The following TWIST2 variants were observed in gnomAD, a reference collection of about 807,000 sequenced individuals.
TWIST2 encodes the protein twist-related protein 2.
TWIST2 carries 1 observed loss-of-function variant against 11.6 expected under a neutral mutation model. The ratio of observed to expected loss-of-function variants is 0.09; its 90% CI spans 0.03 to 0.41. The LOEUF is 0.41. Among genes scored for constraint, TWIST2 ranks in the 10% least tolerant of loss-of-function variants. The probability of loss-of-function intolerance (pLI) is 0.98; values close to 1 mark genes in which losing one functional copy is unlikely to be tolerated. For missense variants in TWIST2, 168 were observed against 226.4 expected, an observed-to-expected ratio of 0.74 and a Z score of 1.66; for synonymous variants, 87 against 96.6, an observed-to-expected ratio of 0.90 and a Z score of 0.58.
At chr2:238,872,812 G>A (rs980582083) in intron 1 of TWIST2, among the ~76,000 whole-genome samples, 1 of 152,140 alleles carries the variant, frequency 6.6e-6, no homozygotes, top group Non-Finnish European at 1.5e-5. Context: ...ACGGGCATAC[G>A]GCCCAGAGGC....
At chr2:238,905,779 T>C (rs1693331878) in intron 1 of TWIST2, among the ~76,000 whole-genome samples, 1 of 152,208 alleles carries the variant, frequency 6.6e-6, no homozygotes. Context: ...AGCCTTTGAC[T>C]TTCTGCCCAG....
chr2:238,868,396 C>CA (rs745995807), intron 1 of TWIST2, among the ~76,000 whole-genome samples: 2 of 152,146 alleles, frequency 1.3e-5, no homozygotes, highest in African/African-American at 2.4e-5. Context: ...TTTGGAAGAA[C>CA]AAAAAACAAA....
chr2:238,866,441 G>A lies in TWIST2; in HGVS notation c.*35+17708G>A, dbSNP rs1054433160. On this transcript the variant is annotated intron_variant, in intron 1 of 1. Coordinates refer to ENST00000612363, the MANE Select transcript of TWIST2 (RefSeq NM_001271893.4). The surrounding 1 kb of genome is among the most constrained non-coding windows in gnomAD (Gnocchi z 4.9). ...TGGGAGGCTGAGGCAGGCAGATCAC[G>A]AGGTCAGGAATTCGAGACCAGCCTG... is the stretch of plus-strand genomic sequence containing the variant. Among the ~76,000 whole-genome samples, 1 of 152,148 alleles carries A rather than the reference G, an allele frequency of 6.6e-6. No homozygotes were observed. The highest frequency in any genetic ancestry group is 1.9e-4 in the East Asian group (1 of 5,166).
chr2:238,901,025 G>A lies in TWIST2; in HGVS notation c.*36-8817G>A, dbSNP rs1253388370. 4.7e-5 allele frequency among the ~76,000 whole-genome samples: 7 copies of A among 148,456 alleles called. No homozygotes were observed. The East Asian group carries it at 1.4e-3, about 30-fold the overall frequency. On this transcript the variant is annotated intron_variant, in intron 1 of 1. Coordinates refer to ENST00000612363, the MANE Select transcript of TWIST2 (RefSeq NM_001271893.4). ...TTCTGAGTCTCACTCCATTGCCCAG[G>A]CTGGAGTACAGTGGCAATCTCAGCT... is the stretch of plus-strand genomic sequence containing the variant.
rs1693429894 is a variant in TWIST2 at position 238,910,247 on chromosome 2, A to AT, written c.*443dup. 6.6e-6 allele frequency: 1 copy of AT among 151,934 alleles called. No individual in the cohort carries two copies. Among genetic ancestry groups the AT allele is most frequent in the Non-Finnish European group, 1.5e-5 (1 of 68,000 alleles). The allele number at this position is 151,934 out of a possible 1,614,324, so 9.4% of individuals were successfully genotyped here. On this transcript the variant is annotated 3_prime_UTR_variant, in exon 2 of 2. Coordinates refer to ENST00000612363, the MANE Select transcript of TWIST2 (RefSeq NM_001271893.4). ...TAAAACAGAAATGCATTCTTGTACA[A>AT]TTCTGTTGAAACTGGACCAAGGCTC... is the stretch of plus-strand genomic sequence containing the variant.
At chr2:238,891,564 G>C (rs1459132066) in intron 1 of TWIST2, among the ~76,000 whole-genome samples, 1 of 152,148 alleles carries the variant, frequency 6.6e-6, no homozygotes, top group African/African-American at 2.4e-5. Flanking sequence ...TCTGGCAAAC[G>C]TCCTTCCCCT....
intron 1 of TWIST2, among the ~76,000 whole-genome samples, chr2:238,849,105 G>A (rs1404712226): frequency 2.0e-5 from 3 of 152,156 alleles, no homozygotes; most frequent in Non-Finnish European, 4.4e-5. Context: ...TGGGGACTGG[G>A]ATATGAGGAC....
At chr2:238,892,303 C>G (rs888011190) in intron 1 of TWIST2, among the ~76,000 whole-genome samples, 10 of 152,312 alleles carry the variant, frequency 6.6e-5, no homozygotes, top group Admixed American at 5.9e-4. Context: ...AGGAGGGGGC[C>G]CTGGCCTGGG....
intron 1 of TWIST2, among the ~76,000 whole-genome samples, chr2:238,891,775 C>G (rs1187840522): frequency 6.6e-6 from 1 of 151,192 alleles, no homozygotes; most frequent in Non-Finnish European, 1.5e-5. Flanking sequence ...AGTCCAAAAA[C>G]CCCGCTATTC....
intron 1 of TWIST2, among the ~76,000 whole-genome samples, chr2:238,898,166 A>C (rs1693227129): frequency 6.6e-6 from 1 of 152,220 alleles, no homozygotes; most frequent in African/African-American, 2.4e-5. Context: ...AGCCCCGAGC[A>C]GGGAGCATCT....
chr2:238,905,928 TGTGC>T (rs1693342054), intron 1 of TWIST2, among the ~76,000 whole-genome samples: 6 of 105,002 alleles, frequency 5.7e-5, no homozygotes, highest in African/African-American at 1.9e-4. Flanking sequence ...CAGGTGTGCG[TGTGC>T]GCGTGTGTGT....
intron 1 of TWIST2, among the ~76,000 whole-genome samples, chr2:238,895,266 G>A (rs1490169740): frequency 2.6e-5 from 4 of 152,358 alleles, no homozygotes; most frequent in Admixed American, 6.5e-5. Flanking sequence ...GCTGACTTGC[G>A]TTCTGGGGGA....
chr2:238,905,934 CGTGT>C (rs1201534035), intron 1 of TWIST2, among the ~76,000 whole-genome samples: 58 of 103,310 alleles, frequency 5.6e-4, no homozygotes, highest in Admixed American at 9.2e-4. Flanking sequence ...TGCGTGTGCG[CGTGT>C]GTGTGCGCGC....
At chr2:238,878,261 G>A (rs1370363131) in intron 1 of TWIST2, among the ~76,000 whole-genome samples, 1 of 152,158 alleles carries the variant, frequency 6.6e-6, no homozygotes, top group African/African-American at 2.4e-5. Context: ...ACCAGTGGGG[G>A]CCCAGGACAT....
chr2:238,904,496 T>C (rs1254674644), intron 1 of TWIST2, among the ~76,000 whole-genome samples: 1 of 151,468 alleles, frequency 6.6e-6, no homozygotes, highest in Non-Finnish European at 1.5e-5. Flanking sequence ...CGTGTGTGTG[T>C]GTCTGACTAG....
chr2:238,870,126 A>ACACACCC (rs1299260027), intron 1 of TWIST2, among the ~76,000 whole-genome samples: 1 of 9,384 alleles, frequency 1.1e-4, no homozygotes, highest in African/African-American at 6.3e-4. Flanking sequence ...TACACCCCCC[A>ACACACCC]CACACACACC....
chr2:238,876,704 G>T (rs1018463464), intron 1 of TWIST2, among the ~76,000 whole-genome samples: 1 of 152,194 alleles, frequency 6.6e-6, no homozygotes, highest in Non-Finnish European at 1.5e-5. Context: ...GGATTTATTA[G>T]TGGAATATCA....
intron 1 of TWIST2, among the ~76,000 whole-genome samples, chr2:238,905,898 TGTGTGC>T (rs1406936434): frequency 1.1e-4 from 14 of 122,810 alleles, no homozygotes; most frequent in African/African-American, 4.4e-4. Context: ...CGCATGCGCG[TGTGTGC>T]GTGTGTGTGC....
chr2:238,853,211 G>A (rs1309245062), intron 1 of TWIST2, among the ~76,000 whole-genome samples: 1 of 152,086 alleles, frequency 6.6e-6, no homozygotes, highest in African/African-American at 2.4e-5. Context: ...TGATACCTGT[G>A]TTATATTTGC....
Sources: gnomAD v4.1 joint callset for allele counts (sites outside exome capture counted in the v4.1 genomes callset) on GRCh38, gnomAD v4.1.1 for gene constraint, Gnocchi (gnomAD v3.1) non-coding constraint, MANE v1.5 for transcripts, NCBI Gene and HGNC (gene_info 2026-07-23, HGNC 2026-07-21) for gene names.